Variants in TMEFF2 observed in about 807,000 individuals in gnomAD.
TMEFF2 encodes tomoregulin-2.
A neutral mutation model predicts 53.8 loss-of-function variants in TMEFF2; 28 were observed. The ratio of observed to expected loss-of-function variants is 0.52; its 90% CI spans 0.39 to 0.71. TMEFF2 has a LOEUF of 0.71. Ranked by LOEUF, TMEFF2 falls within the 30% of genes least tolerant of loss-of-function variation. The probability of loss-of-function intolerance (pLI) is 0.00; values close to 1 mark genes in which losing one functional copy is unlikely to be tolerated. For synonymous variants in TMEFF2, 162 were observed against 166.3 expected, an observed-to-expected ratio of 0.97 and a Z score of 0.20; for missense variants, 353 against 455.2, an observed-to-expected ratio of 0.78 and a Z score of 2.04.
rs562694233 is a variant in TMEFF2, at chr2:192,043,105, A to G, written c.536+14574T>C. On this transcript the variant is annotated intron_variant, in intron 5 of 9. Coordinates refer to ENST00000272771, the MANE Select transcript of TMEFF2 (RefSeq NM_016192.4). ...AGCAAGGTCAAAAGCAGCAATCAGA[A>G]TAGCCAGATTCATGGAGACCTATGG... Among the ~76,000 whole-genome samples, 13 of 152,352 alleles carry G rather than the reference A, an allele frequency of 8.5e-5. 1 individual carries two copies. The South Asian group carries it at 2.7e-3, about 32-fold the overall frequency.
intron 4 of TMEFF2, among the ~76,000 whole-genome samples, chr2:192,114,964 C>G (rs1400757476): frequency 1.3e-5 from 2 of 151,862 alleles, no homozygotes; most frequent in Non-Finnish European, 2.9e-5. Flanking sequence ...ATATAGCTGA[C>G]TATATATAAT....
chr2:192,050,803 A>G (rs556076476), intron 5 of TMEFF2, among the ~76,000 whole-genome samples: 2 of 152,344 alleles, frequency 1.3e-5, no homozygotes, highest in African/African-American at 4.8e-5. Flanking sequence ...CTTGATCAAG[A>G]TAGGTGAAGA....
intron 4 of TMEFF2, among the ~76,000 whole-genome samples, chr2:192,158,531 C>T (rs1690559813): frequency 1.3e-5 from 2 of 152,104 alleles, no homozygotes; most frequent in South Asian, 4.1e-4. Context: ...AAAGCATTTA[C>T]ATCAGAATAT....
intron 4 of TMEFF2, among the ~76,000 whole-genome samples, chr2:192,075,332 T>TATATATATATATATATATATATATACAC (rs796267672): frequency 1.1e-5 from 1 of 88,148 alleles, no homozygotes; most frequent in African/African-American, 4.1e-5. Flanking sequence ...TATATATATA[T>TATATATATATATATATATATATATACAC]ACATACATAC....
chr2:192,109,325 T>C (rs940604868), intron 4 of TMEFF2, among the ~76,000 whole-genome samples: 2 of 152,124 alleles, frequency 1.3e-5, no homozygotes, highest in African/African-American at 4.8e-5. Flanking sequence ...ACATGCAATC[T>C]ACTGCAAGTG....
chr2:192,117,671 C>G (rs116515379), intron 4 of TMEFF2, among the ~76,000 whole-genome samples: 20 of 152,116 alleles, frequency 1.3e-4, no homozygotes, highest in South Asian at 4.2e-4. Context: ...CTCCCCACCC[C>G]CCACTTTTCT....
intron 9 of TMEFF2, among the ~76,000 whole-genome samples, chr2:191,951,448 TAGAA>T (rs1255306831): frequency 1.4e-5 from 2 of 138,328 alleles, no homozygotes; most frequent in African/African-American, 2.6e-5. Flanking sequence ...AAAAAGAAAG[TAGAA>T]AGAAGGAGAA....
At chr2:192,104,666 G>T (rs1200869379) in intron 4 of TMEFF2, among the ~76,000 whole-genome samples, 1 of 151,894 alleles carries the variant, frequency 6.6e-6, no homozygotes, top group African/African-American at 2.4e-5. Flanking sequence ...AACTGTAAAT[G>T]ATTTGAAAGC....
intron 4 of TMEFF2, among the ~76,000 whole-genome samples, chr2:192,126,587 C>T (rs903422835): frequency 3.3e-5 from 5 of 152,130 alleles, no homozygotes; most frequent in African/African-American, 1.2e-4. Flanking sequence ...ACATTCTAGA[C>T]ACTGCTATGG....
intron 4 of TMEFF2, among the ~76,000 whole-genome samples, chr2:192,107,816 T>C (rs1459014355): frequency 6.6e-6 from 1 of 151,832 alleles, no homozygotes; most frequent in African/African-American, 2.4e-5. Flanking sequence ...TGACTCAGTA[T>C]GTCAGTAGTG....
chr2:192,156,131 C>T (rs559172814), intron 4 of TMEFF2, among the ~76,000 whole-genome samples: 1 of 152,018 alleles, frequency 6.6e-6, no homozygotes, highest in Non-Finnish European at 1.5e-5. Context: ...GCCCAGGAAA[C>T]AGATATGGAA....
intron 4 of TMEFF2, among the ~76,000 whole-genome samples, chr2:192,069,632 A>C (rs1347684886): frequency 5.3e-5 from 8 of 151,836 alleles, no homozygotes; most frequent in Admixed American, 4.0e-4. Context: ...CCATTAGCTC[A>C]GTCTGAAACT....
At position 192,033,317 on chromosome 2, in the gene TMEFF2, A is replaced by G. The variant is rs529632858; in HGVS notation, c.536+24362T>C. 2.0e-5 allele frequency among the ~76,000 whole-genome samples: 3 copies of G among 152,370 alleles called. No individual in the cohort carries two copies. In the East Asian group the frequency reaches 5.8e-4, roughly 29 times the overall value. On this transcript the variant is annotated intron_variant, in intron 5 of 9. Transcript: ENST00000272771. ...AAGAAAACTGAGATTGATGATAGTT[A>G]TTACGTATATTCCTAATAACTTCAT...
intron 2 of TMEFF2, among the ~76,000 whole-genome samples, chr2:192,189,664 A>G (rs1048437142): frequency 3.3e-5 from 5 of 151,928 alleles, no homozygotes; most frequent in African/African-American, 1.2e-4. Flanking sequence ...CTCCCTTTTT[A>G]TCAGATACTA....
At chr2:192,106,472 T>G (rs1477259833) in intron 4 of TMEFF2, among the ~76,000 whole-genome samples, 1 of 151,804 alleles carries the variant, frequency 6.6e-6, no homozygotes, top group African/African-American at 2.4e-5. Flanking sequence ...AAAGTTACCA[T>G]TTCATGTTAT....
At position 192,184,445 on chromosome 2, in the gene TMEFF2, C is replaced by T. The variant is rs1296259671; in HGVS notation, c.321G>A (p.Gly107=). The T allele has an allele frequency of 4.3e-6, 7 of 1,613,294 alleles. No homozygotes were observed. In the East Asian group the frequency reaches 1.6e-4, roughly 36 times the overall value. ...NDYVPVCGSN[G]ESYQNECYLR... is the part of the protein sequence containing the mutation. ...GGTAACACTCATTCTGGTAGCTCTC[C>T]CCATTGGAGCCACACACAGGCACAT... Residue 107 remains glycine, a synonymous_variant, in exon 3 of 10, where the codon GGG becomes GGA. Coordinates refer to ENST00000272771, the MANE Select transcript of TMEFF2 (RefSeq NM_016192.4).
intron 4 of TMEFF2, among the ~76,000 whole-genome samples, chr2:192,173,082 A>C (rs571671280): frequency 6.6e-6 from 1 of 152,048 alleles, no homozygotes; most frequent in South Asian, 2.1e-4. Flanking sequence ...GTAGCACAAC[A>C]AGATGACTAT....
intron 5 of TMEFF2, among the ~76,000 whole-genome samples, chr2:192,050,965 C>G (rs773153300): frequency 1.3e-5 from 2 of 152,054 alleles, no homozygotes; most frequent in South Asian, 2.1e-4. Context: ...CTCCCCACCC[C>G]GAAACATTTT....
intron 7 of TMEFF2, among the ~76,000 whole-genome samples, chr2:191,962,478 G>A (rs1258303445): frequency 6.6e-6 from 1 of 152,114 alleles, no homozygotes; most frequent in Non-Finnish European, 1.5e-5. Context: ...AATTTAAATT[G>A]GAAAAAGTAC....
Sources: gnomAD v4.1 joint callset for allele counts (sites outside exome capture counted in the v4.1 genomes callset) on GRCh38, gnomAD v4.1.1 for gene constraint, MANE v1.5 for transcripts, NCBI Gene and HGNC (gene_info 2026-07-23, HGNC 2026-07-21) for gene names.